CLSTN2: variants seen among roughly 807,000 people sequenced by gnomAD.
CLSTN2 encodes the protein calsyntenin 2, also known as calsyntenin-2.
CLSTN2 carries 48 observed loss-of-function variants against 101.2 expected under a neutral mutation model. The ratio of observed to expected loss-of-function variants is 0.47; its 90% confidence interval spans 0.38 to 0.60. The LOEUF is 0.60. Among genes scored for constraint, CLSTN2 ranks in the 20% least tolerant of loss-of-function variants. CLSTN2 has a pLI of 0.00. For missense variants in CLSTN2, 1,160 were observed against 1,238.2 expected (o/e 0.94, Z 0.95); for synonymous variants, 481 against 463.6 (o/e 1.04, Z -0.48).
intron 2 of CLSTN2, among the ~76,000 whole-genome samples, chr3:140,209,327 A>T (rs1208156660): frequency 6.6e-6 from 1 of 152,166 alleles, no homozygotes; most frequent in Non-Finnish European, 1.5e-5. Context: ...ACAAGGAATG[A>T]ATGGACTCTG....
chr3:140,434,711 G>A (rs887869711), intron 5 of CLSTN2, among the ~76,000 whole-genome samples: 5 of 152,196 alleles, frequency 3.3e-5, no homozygotes, highest in Non-Finnish European at 4.4e-5. Context: ...TAACTGCTAC[G>A]CCTCCAGGGC....
At chr3:140,472,832 A>G (rs1206899640) in intron 8 of CLSTN2, among the ~76,000 whole-genome samples, 1 of 151,978 alleles carries the variant, frequency 6.6e-6, no homozygotes, top group Non-Finnish European at 1.5e-5. Flanking sequence ...ACAAATAGTG[A>G]CTCACTTTGG....
intron 1 of CLSTN2, among the ~76,000 whole-genome samples, chr3:140,080,623 A>C (rs1054948389): frequency 7.9e-5 from 12 of 151,912 alleles, no homozygotes; most frequent in Non-Finnish European, 4.4e-5. Flanking sequence ...GCTTCCCCCT[A>C]TTATTTTCCA....
chr3:140,054,591 T>C (rs1173932547), intron 1 of CLSTN2, among the ~76,000 whole-genome samples: 1 of 152,194 alleles, frequency 6.6e-6, no homozygotes, highest in African/African-American at 2.4e-5. Flanking sequence ...CTGCTTCCCA[T>C]TTCTGCCAGG....
chr3:140,416,471 A>G (rs2107987161), intron 4 of CLSTN2, among the ~76,000 whole-genome samples: 1 of 152,320 alleles, frequency 6.6e-6, no homozygotes, highest in Non-Finnish European at 1.5e-5. Context: ...GTATACATAT[A>G]TTAAAACATC....
At chr3:139,938,274 T>G (rs534064835) in intron 1 of CLSTN2, among the ~76,000 whole-genome samples, 49 of 152,284 alleles carry the variant, frequency 3.2e-4, no homozygotes, top group African/African-American at 1.2e-3. Flanking sequence ...CAGAGTTGAA[T>G]GCACCCTCCA....
intron 8 of CLSTN2, among the ~76,000 whole-genome samples, chr3:140,515,404 G>A (rs569699723): frequency 6.6e-6 from 1 of 152,010 alleles, no homozygotes; most frequent in African/African-American, 2.4e-5. Flanking sequence ...CTTTTCTTCT[G>A]CTGTGTCTGG....
At chr3:140,283,809 CTCAA>C (rs1218084346) in intron 2 of CLSTN2, among the ~76,000 whole-genome samples, 1 of 152,180 alleles carries the variant, frequency 6.6e-6, no homozygotes, top group African/African-American at 2.4e-5. Flanking sequence ...ATGTTCTCTG[CTCAA>C]TCAGTTTCTT....
chr3:140,455,056 C>T (rs1313219758), intron 6 of CLSTN2, among the ~76,000 whole-genome samples: 1 of 152,224 alleles, frequency 6.6e-6, no homozygotes, highest in African/African-American at 2.4e-5. Flanking sequence ...ATTGCATCCC[C>T]CAAGGTAGAG....
At chr3:140,295,148 A>G (rs910350503) in intron 2 of CLSTN2, among the ~76,000 whole-genome samples, 6 of 152,206 alleles carry the variant, frequency 3.9e-5, no homozygotes, top group African/African-American at 1.2e-4. Flanking sequence ...TTTCTAGGAA[A>G]AAGCCATATC....
chr3:140,105,734 T>C (rs76140307), intron 1 of CLSTN2, among the ~76,000 whole-genome samples: 165 of 152,310 alleles, frequency 1.1e-3, no homozygotes, highest in African/African-American at 3.7e-3. Context: ...GAAGGCCTCA[T>C]AGACATTTAG....
At chr3:140,220,418 T>C (rs2086257414) in intron 2 of CLSTN2, among the ~76,000 whole-genome samples, 1 of 152,248 alleles carries the variant, frequency 6.6e-6, no homozygotes, top group South Asian at 2.1e-4. Flanking sequence ...ATTTGGCCTG[T>C]CGTCTTCCTT....
chr3:140,348,347 G>T (rs1056316017), intron 2 of CLSTN2, among the ~76,000 whole-genome samples: 1 of 152,098 alleles, frequency 6.6e-6, no homozygotes, highest in Admixed American at 6.6e-5. Flanking sequence ...AGCTTAAAAG[G>T]GCTTTTTCTT....
chr3:139,988,017 C>T (rs1936056266), intron 1 of CLSTN2, among the ~76,000 whole-genome samples: 1 of 152,180 alleles, frequency 6.6e-6, no homozygotes, highest in African/African-American at 2.4e-5. Flanking sequence ...CCTTATTTAG[C>T]ATTGGAAGAC....
At chr3:140,190,377 T>TCTA (rs2010542290) in intron 2 of CLSTN2, among the ~76,000 whole-genome samples, 1 of 151,338 alleles carries the variant, frequency 6.6e-6, no homozygotes, top group African/African-American at 2.4e-5. Context: ...TCAAAACTGT[T>TCTA]TTAACTATTC....
intron 5 of CLSTN2, among the ~76,000 whole-genome samples, chr3:140,436,566 C>A (rs34584203): frequency 0.066 from 9,982 of 152,302 alleles, 399 homozygotes; most frequent in South Asian, 0.1. Context: ...CTTCTCCCCA[C>A]CTTCCATGGA....
At chr3:140,030,231 T>C in intron 1 of CLSTN2, among the ~76,000 whole-genome samples, 1 of 152,156 alleles carries the variant, frequency 6.6e-6, no homozygotes, top group East Asian at 1.9e-4. Flanking sequence ...GACAACATCC[T>C]TTGCAATCCT....
At chr3:140,104,984 T>TA (rs5852969) in intron 1 of CLSTN2, among the ~76,000 whole-genome samples, 4 of 151,988 alleles carry the variant, frequency 2.6e-5, no homozygotes, top group Admixed American at 6.5e-5. Context: ...GTCTCAAAAA[T>TA]AAAAAAACAA....
At chr3:140,229,369 G>C (rs1173625607) in intron 2 of CLSTN2, among the ~76,000 whole-genome samples, 4 of 152,182 alleles carry the variant, frequency 2.6e-5, no homozygotes, top group African/African-American at 4.8e-5. Context: ...ACAGTCCACT[G>C]TTCCACTCAC....
Sources: allele counts gnomAD v4.1 joint callset (sites outside exome capture counted in the v4.1 genomes callset), GRCh38; gene constraint gnomAD v4.1.1; transcripts MANE v1.5; gene names NCBI Gene and HGNC (gene_info 2026-07-23, HGNC 2026-07-21).